NKAIN3: variants seen among roughly 807,000 people sequenced by gnomAD.
NKAIN3 encodes the protein sodium/potassium transporting ATPase interacting 3.
In NKAIN3, 25 loss-of-function variants were observed where a neutral mutation model predicts 30.2. The observed-to-expected ratio is 0.83, with a 90% confidence interval of 0.60 to 1.16. The LOEUF (loss-of-function observed/expected upper bound fraction) is 1.16, where lower values mean the gene tolerates loss of function less well. NKAIN3 is among the 50% of genes most tolerant of loss of function. The pLI is 0.00. For synonymous variants in NKAIN3, 91 were observed against 89.6 expected (o/e 1.02, Z -0.09); for missense variants, 225 against 254.1 (o/e 0.89, Z 0.78).
At chr8:62,618,259 A>C (rs1179462876) in intron 3 of NKAIN3, among the ~76,000 whole-genome samples, 1 of 152,168 alleles carries the variant, frequency 6.6e-6, no homozygotes, top group African/African-American at 2.4e-5. Flanking sequence ...GACACACAAA[A>C]TGAGTGGCTA....
intron 1 of NKAIN3, among the ~76,000 whole-genome samples, chr8:62,407,198 A>AT (rs1276750784): frequency 6.6e-6 from 1 of 151,962 alleles, no homozygotes; most frequent in African/African-American, 2.4e-5. Context: ...AGATAAACAT[A>AT]TTAATATTTT....
At chr8:62,324,588 A>G (rs1815052142) in intron 1 of NKAIN3, among the ~76,000 whole-genome samples, 1 of 152,172 alleles carries the variant, frequency 6.6e-6, no homozygotes, top group African/African-American at 2.4e-5. Context: ...GTCAGGAAAT[A>G]TTCATTACAA....
At chr8:62,910,516 T>C (rs1250237913) in intron 4 of NKAIN3, among the ~76,000 whole-genome samples, 1 of 152,180 alleles carries the variant, frequency 6.6e-6, no homozygotes, top group Non-Finnish European at 1.5e-5. Flanking sequence ...GAAGAAAGTG[T>C]GCATTAAAAT....
In NKAIN3 at chr8:62,579,420, C is replaced by A. The variant is rs1370527053; in HGVS notation, c.55-119C>A. Reference sequence around the variant, plus strand: ...ATAAGAATGAAAATTCTAATAATAACGGTGACAAAAAGTGTGATTGAAGTT... The same window carrying A: ...ATAAGAATGAAAATTCTAATAATAAAGGTGACAAAAAGTGTGATTGAAGTT... On this transcript the variant is annotated intron_variant, in intron 1 of 6. Coordinates refer to ENST00000623646, the MANE Select transcript of NKAIN3 (RefSeq NM_001304533.3). 4 of 669,140 alleles carry A rather than the reference C, an allele frequency of 6.0e-6. No individual in the cohort carries two copies. In the Admixed American group the frequency reaches 1.1e-4, roughly 19 times the overall value. 41.5% of individuals were successfully genotyped at this position (669,140 alleles called of 1,614,324 possible). A position where few individuals can be genotyped will look rare whatever the true frequency, so the allele number is the denominator to read the frequency against.
chr8:62,509,365 C>T (rs1807746199), intron 1 of NKAIN3, among the ~76,000 whole-genome samples: 1 of 152,252 alleles, frequency 6.6e-6, no homozygotes, highest in Middle Eastern at 3.4e-3. Flanking sequence ...AGAGTTCCAT[C>T]CGGCAAGATA....
chr8:62,283,905 TA>T (rs1249148945), intron 1 of NKAIN3, among the ~76,000 whole-genome samples: 1 of 152,172 alleles, frequency 6.6e-6, no homozygotes, highest in Non-Finnish European at 1.5e-5. Flanking sequence ...GGGAATACTT[TA>T]AAAATTAATG....
chr8:62,798,143 C>A (rs1293307107), intron 4 of NKAIN3, among the ~76,000 whole-genome samples: 7 of 152,126 alleles, frequency 4.6e-5, no homozygotes, highest in African/African-American at 1.7e-4. Flanking sequence ...GCAGACAATT[C>A]CTCATGATGT....
intron 1 of NKAIN3, among the ~76,000 whole-genome samples, chr8:62,306,810 C>A (rs577581891): frequency 5.4e-5 from 8 of 149,284 alleles, no homozygotes; most frequent in Non-Finnish European, 1.0e-4. Context: ...AATGCCATTA[C>A]CCTTTGAAAT....
intron 2 of NKAIN3, among the ~76,000 whole-genome samples, chr8:62,584,540 T>G (rs1810410932): frequency 6.6e-6 from 1 of 152,182 alleles, no homozygotes. Flanking sequence ...GAAAATTGTT[T>G]CTTTATCTAC....
At chr8:62,299,214 T>C (rs972685686) in intron 1 of NKAIN3, among the ~76,000 whole-genome samples, 2 of 152,112 alleles carry the variant, frequency 1.3e-5, no homozygotes, top group African/African-American at 4.8e-5. Flanking sequence ...TAAAAATTTA[T>C]TTAAAATTAT....
chr8:62,626,219 C>A (rs1811782919), intron 3 of NKAIN3, among the ~76,000 whole-genome samples: 1 of 152,042 alleles, frequency 6.6e-6, no homozygotes, highest in East Asian at 1.9e-4. Flanking sequence ...CTCAGACAGG[C>A]CCTTCAGAAC....
intron 3 of NKAIN3, among the ~76,000 whole-genome samples, chr8:62,675,015 T>A (rs186984280): frequency 6.6e-6 from 1 of 152,304 alleles, no homozygotes; most frequent in East Asian, 1.9e-4. Flanking sequence ...TTCCTTCAAG[T>A]GCTGAGGAAC....
intron 1 of NKAIN3, among the ~76,000 whole-genome samples, chr8:62,448,412 T>A (rs976782940): frequency 6.6e-6 from 1 of 151,104 alleles, no homozygotes; most frequent in East Asian, 1.9e-4. Flanking sequence ...ATGGTATTTA[T>A]TTTTAGATTT....
intron 5 of NKAIN3, among the ~76,000 whole-genome samples, chr8:62,935,138 C>T (rs1380239688): frequency 1.3e-5 from 2 of 152,148 alleles, no homozygotes; most frequent in African/African-American, 4.8e-5. Flanking sequence ...TCCAAACTAG[C>T]TGTTCATTTT....
At chr8:62,926,882 C>A (rs1353982091) in intron 5 of NKAIN3, among the ~76,000 whole-genome samples, 1 of 152,062 alleles carries the variant, frequency 6.6e-6, no homozygotes, top group Admixed American at 6.5e-5. Flanking sequence ...TATGTCCATC[C>A]CACCCACCTA....
chr8:62,528,148 A>G (rs1029455104), intron 1 of NKAIN3, among the ~76,000 whole-genome samples: 4 of 150,706 alleles, frequency 2.7e-5, no homozygotes, highest in African/African-American at 9.8e-5. Flanking sequence ...GTGGCCCCCA[A>G]TTCATGGTTT....
intron 1 of NKAIN3, among the ~76,000 whole-genome samples, chr8:62,473,682 A>C (rs1055262891): frequency 6.6e-6 from 1 of 152,132 alleles, no homozygotes; most frequent in Non-Finnish European, 1.5e-5. Context: ...CATTTCTCTG[A>C]TCGTTTCTCC....
intron 4 of NKAIN3, among the ~76,000 whole-genome samples, chr8:62,788,454 A>T (rs897091804): frequency 2.6e-5 from 4 of 151,570 alleles, no homozygotes; most frequent in African/African-American, 9.7e-5. Context: ...AGATGAGTAG[A>T]TTGCAAAAAT....
chr8:62,928,894 C>T (rs1822529472), intron 5 of NKAIN3, among the ~76,000 whole-genome samples: 1 of 152,154 alleles, frequency 6.6e-6, no homozygotes, highest in African/African-American at 2.4e-5. Flanking sequence ...GAAAGGTTCC[C>T]TCGCAGACAG....
Sources: allele counts gnomAD v4.1 joint callset (sites outside exome capture counted in the v4.1 genomes callset), GRCh38; gene constraint gnomAD v4.1.1; transcripts MANE v1.5; gene names NCBI Gene and HGNC (gene_info 2026-07-23, HGNC 2026-07-21).